The following REXO1 variants were observed in gnomAD, a reference collection of about 807,000 sequenced individuals.
REXO1 encodes the protein REX1, RNA exonuclease 1 homolog.
Under a neutral mutation model 102.6 loss-of-function variants are expected in REXO1, and 42 were observed. The ratio of observed to expected loss-of-function variants is 0.41; its 90% confidence interval spans 0.32 to 0.53. REXO1 has a LOEUF of 0.53. REXO1 is among the 20% of genes least tolerant of loss of function. The pLI, the probability that REXO1 is intolerant of heterozygous loss-of-function variation, is 0.27. For synonymous variants in REXO1, 908 were observed against 779.1 expected (o/e 1.17, Z -2.76); for missense variants, 1,819 against 1,732.5 (o/e 1.05, Z -0.89).
intron 1 of REXO1, among the ~76,000 whole-genome samples, chr19:1,846,356 G>A (rs558407947): frequency 1.2e-4 from 19 of 152,218 alleles, no homozygotes; most frequent in South Asian, 4.1e-4. Context: ...TGCCTTCTGC[G>A]GGGGGAGGCA....
chr19:1,836,953 G>A (rs1343792134), intron 1 of REXO1, among the ~76,000 whole-genome samples: 1 of 152,092 alleles, frequency 6.6e-6, no homozygotes, highest in East Asian at 1.9e-4. Flanking sequence ...GGGCTTAGCT[G>A]GACAAAAAAG....
At chr19:1,832,914 C>CAAAAAAAAAAAAAAAAAAAAAAAAAA in intron 1 of REXO1, among the ~76,000 whole-genome samples, 1 of 75,894 alleles carries the variant, frequency 1.3e-5, no homozygotes. Context: ...GACTCTGTCT[C>CAAAAAAAAAAAAAAAAAAAAAAAAAA]AAAAAAAAAA....
At chr19:1,828,720 G>A in intron 1 of REXO1, 89 bp from the exon 2 acceptor site, 1 of 1,426,318 alleles carries the variant, frequency 7.0e-7, no homozygotes, top group Non-Finnish European at 9.3e-7. Flanking sequence ...CTGCAGGGAA[G>A]GGAAGAGACC....
intron 1 of REXO1, among the ~76,000 whole-genome samples, chr19:1,834,459 G>A (rs2069985102): frequency 6.6e-6 from 1 of 152,170 alleles, no homozygotes; most frequent in African/African-American, 2.4e-5. Flanking sequence ...GCATTGCCCA[G>A]GCTGGAGTGC....
intron 1 of REXO1, among the ~76,000 whole-genome samples, chr19:1,838,436 T>C (rs894339559): frequency 6.0e-5 from 9 of 150,794 alleles, no homozygotes; most frequent in African/African-American, 2.2e-4. Flanking sequence ...CTGAGCAACA[T>C]GCAGAAATCC....
chr19:1,837,290 TG>T (rs909020449), intron 1 of REXO1, among the ~76,000 whole-genome samples: 1 of 152,162 alleles, frequency 6.6e-6, no homozygotes, highest in African/African-American at 2.4e-5. Flanking sequence ...TCCCTGCTCC[TG>T]GGGCCTCCCC....
chr19:1,833,681 G>A (rs1355323635), intron 1 of REXO1, among the ~76,000 whole-genome samples: 1 of 152,206 alleles, frequency 6.6e-6, no homozygotes, highest in East Asian at 1.9e-4. Context: ...ACTGGGGGAG[G>A]CTCCGGCTCC....
At chr19:1,839,161 C>G (rs928144656) in intron 1 of REXO1, among the ~76,000 whole-genome samples, 2 of 149,852 alleles carry the variant, frequency 1.3e-5, no homozygotes, top group Non-Finnish European at 2.9e-5. Context: ...GAGGCTGAGG[C>G]AAAAGTATCA....
Position 1,827,058 on chromosome 19 carries a change from G to T in REXO1, c.1731C>A (p.Ser577=), listed in dbSNP as rs540548579. Residue 577 remains serine, a synonymous_variant, in exon 2 of 16, where the codon TCC becomes TCA. Coordinates refer to ENST00000170168, the MANE Select transcript of REXO1 (RefSeq NM_020695.4). ...PKRLKASPPP[S]PAPSSSSSSS... is the part of the protein sequence containing the mutation. ...AGGAGGAGGAGGAGGATGGGGCGGG[G>T]GAGGGGGGCGGGGAGGCCTTGAGCC... The T allele has an allele frequency of 3.2e-6, 3 of 935,970 alleles. No individual in the cohort carries two copies. The highest frequency in any genetic ancestry group is 1.6e-5 in the African/African-American group (1 of 62,680). 58.0% of individuals were successfully genotyped at this position (935,970 alleles called of 1,614,324 possible).
At chr19:1,841,397 G>A (rs2011270593) in intron 1 of REXO1, among the ~76,000 whole-genome samples, 1 of 152,110 alleles carries the variant, frequency 6.6e-6, no homozygotes, top group African/African-American at 2.4e-5. Flanking sequence ...GGAGGGCGGA[G>A]GAGGACAGAG....
chr19:1,831,194 G>A (rs539730686), intron 1 of REXO1, among the ~76,000 whole-genome samples: 5 of 152,202 alleles, frequency 3.3e-5, no homozygotes, highest in Non-Finnish European at 5.9e-5. Context: ...TCCCCGACAG[G>A]CTGATAAGGA....
At chr19:1,846,274 G>A (rs1301745852) in intron 1 of REXO1, among the ~76,000 whole-genome samples, 1 of 152,222 alleles carries the variant, frequency 6.6e-6, no homozygotes, top group East Asian at 1.9e-4. Context: ...TCCTCAGAGG[G>A]CAGCCTGATG....
At position 1,827,263 on chromosome 19, in the gene REXO1, G is replaced by A. The variant is rs753130127; in HGVS notation, c.1526C>T (p.Pro509Leu). 6.4e-7 allele frequency: 1 copy of A among 1,558,902 alleles called. No homozygotes were observed. The highest frequency in any genetic ancestry group is 1.9e-5 in the Admixed American group (1 of 53,008). The stretch of plus-strand genomic sequence containing the variant: ...GCTCAGGGCCCGCTTCTTCAGCTTG[G>A]GGGCGTCCTGGGAGGCGCCCTCGTC... ...SLDEGASQDA[P>L]KLKKRALSHA... The change falls in exon 2 of 16, where the codon CCC becomes CTC. Residue 509 changes from proline to leucine, a missense_variant. Transcript: ENST00000170168.
chr19:1,826,925 C>T lies in REXO1; in HGVS notation c.1864G>A (p.Glu622Lys), dbSNP rs780515124. The T allele has an allele frequency of 1.6e-5, 26 of 1,583,544 alleles. No individual in the cohort carries two copies. The highest frequency in any genetic ancestry group is 1.1e-4 in the Admixed American group (6 of 56,204). The stretch of plus-strand genomic sequence containing the variant: ...TCCTCCGTCTTGACGCTGGTGGACT[C>T]GTTGAAGATCCGCAGGCACTCCTCC... ...PMEECLRIFNESTSVKTEDRG... is the reference protein window; with the variant it reads ...PMEECLRIFNKSTSVKTEDRG... The change falls in exon 2 of 16, where the codon GAG (glutamate) becomes AAG (lysine). Residue 622 changes from glutamate to lysine, a missense_variant. Transcript: ENST00000170168. This position sits in a 1 kb window ranked among gnomAD's most constrained non-coding sequence, Gnocchi z 4.3.
rs893312344 is a variant in REXO1 at position 1,826,320 on chromosome 19, G to A, written c.1912-377C>T. ...CCCCTGGTGGCCAATTTGGGGACAC[G>A]GGGCCAGGAGACCCAGGGGTCCAGG... On this transcript the variant is annotated intron_variant, in intron 2 of 15. Transcript: ENST00000170168. This position sits in a 1 kb window ranked among gnomAD's most constrained non-coding sequence, Gnocchi z 4.3. Among the ~76,000 whole-genome samples, 6 of 152,032 alleles carry A rather than the reference G, an allele frequency of 3.9e-5. No individual in the cohort carries two copies. The highest frequency in any genetic ancestry group is 7.2e-5 in the African/African-American group (3 of 41,380).
intron 3 of REXO1, among the ~76,000 whole-genome samples, chr19:1,824,796 A>ATCTG (rs142093089): frequency 6.5e-4 from 99 of 151,966 alleles, no homozygotes; most frequent in African/African-American, 2.2e-3. Flanking sequence ...TTATGTATTT[A>ATCTG]TCTTTTTGAG....
At chr19:1,838,606 G>A (rs199620830) in intron 1 of REXO1, among the ~76,000 whole-genome samples, 7 of 151,084 alleles carry the variant, frequency 4.6e-5, no homozygotes, top group South Asian at 2.1e-4. Context: ...CGGACGTTGC[G>A]GTGAGCCGAG....
intron 10 of REXO1, among the ~76,000 whole-genome samples, chr19:1,818,195 T>C (rs1290109585): frequency 6.6e-6 from 1 of 152,182 alleles, no homozygotes; most frequent in Non-Finnish European, 1.5e-5. Context: ...AACCTCCACA[T>C]TTCCATGGAC....
chr19:1,815,584 C>T lies in REXO1; in HGVS notation c.*482G>A, dbSNP rs970894062. The T allele has an allele frequency of 3.9e-5, 33 of 849,418 alleles. No individual in the cohort carries two copies. Among genetic ancestry groups the T allele is most frequent in the Non-Finnish European group, 3.1e-6 (2 of 649,250 alleles). 52.6% of individuals were successfully genotyped at this position (849,418 alleles called of 1,614,324 possible). A position where few individuals can be genotyped will look rare whatever the true frequency, so the allele number is the denominator to read the frequency against. ...CCCCACCCCGCAGGAGGGAAGGCAG[C>T]AGGCCCGCTCTTCCCGGTGGGAAAG... is the stretch of plus-strand genomic sequence containing the variant. On this transcript the variant is annotated 3_prime_UTR_variant, in exon 16 of 16. Transcript: ENST00000170168. This position sits in a 1 kb window ranked among gnomAD's most constrained non-coding sequence, Gnocchi z 4.0.
Sources: gnomAD v4.1 joint callset for allele counts (sites outside exome capture counted in the v4.1 genomes callset) on GRCh38, gnomAD v4.1.1 for gene constraint, Gnocchi (gnomAD v3.1) non-coding constraint, MANE v1.5 for transcripts, NCBI Gene and HGNC (gene_info 2026-07-23, HGNC 2026-07-21) for gene names.